Variants in STAMBP observed in about 807,000 individuals in gnomAD.
STAMBP encodes STAM binding protein.
Under a neutral mutation model 50.7 loss-of-function variants are expected in STAMBP, and 31 were observed. The observed-to-expected ratio is 0.61, with a 90% CI of 0.46 to 0.83. STAMBP has a LOEUF of 0.83. Among genes scored for constraint, STAMBP ranks in the 40% least tolerant of loss-of-function variants. The pLI is 0.00. For synonymous variants in STAMBP, 211 were observed against 192.4 expected (o/e 1.10, Z -0.80); for missense variants, 472 against 518.9 (o/e 0.91, Z 0.88).
At chr2:73,856,765 C>T (rs1677597395) in intron 7 of STAMBP, among the ~76,000 whole-genome samples, 2 of 152,314 alleles carry the variant, frequency 1.3e-5, no homozygotes, top group Admixed American at 6.5e-5. Context: ...AACAAACAAC[C>T]CCCTCTTCTG....
downstream of STAMBP, among the ~76,000 whole-genome samples, chr2:73,871,217 A>C (rs1679185287): frequency 6.6e-6 from 1 of 152,162 alleles, no homozygotes; most frequent in Non-Finnish European, 1.5e-5. Context: ...TGAGGAAACC[A>C]CATAATGAAA....
intron 2 of STAMBP, among the ~76,000 whole-genome samples, chr2:73,835,118 G>C (rs905885376): frequency 6.6e-6 from 1 of 152,086 alleles, no homozygotes; most frequent in Admixed American, 6.5e-5. Flanking sequence ...TCACGCCTGT[G>C]ATCTCAGCAC....
At chr2:73,832,084 C>CATATATATATATATATATATATATAT (rs67469518) in intron 2 of STAMBP, among the ~76,000 whole-genome samples, 17 of 118,498 alleles carry the variant, frequency 1.4e-4, no homozygotes, top group African/African-American at 4.7e-4. Flanking sequence ...GAGTAGGTAA[C>CATATATATATATATATATATATATAT]ATATATATAT....
intron 7 of STAMBP, among the ~76,000 whole-genome samples, chr2:73,853,663 G>A (rs1405351588): frequency 1.3e-5 from 2 of 152,146 alleles, no homozygotes; most frequent in African/African-American, 4.8e-5. Flanking sequence ...CGGAGGTTGT[G>A]GTGAGCCAAG....
intron 6 of STAMBP, 119 bp downstream of exon 6, chr2:73,849,606 G>A (rs571943612): frequency 1.2e-5 from 15 of 1,289,620 alleles, no homozygotes; most frequent in South Asian, 1.1e-4. Flanking sequence ...CCAAGGAACC[G>A]TGGACTGCAT....
intron 9 of STAMBP, among the ~76,000 whole-genome samples, chr2:73,860,923 T>TA (rs1678254301): frequency 6.6e-6 from 1 of 152,020 alleles, no homozygotes; most frequent in Non-Finnish European, 1.5e-5. Flanking sequence ...AGTTGAAGTA[T>TA]AAAAAAAGGG....
chr2:73,846,697 C>G (rs1573321583), intron 4 of STAMBP, among the ~76,000 whole-genome samples: 1 of 151,578 alleles, frequency 6.6e-6, no homozygotes, highest in Non-Finnish European at 1.5e-5. Flanking sequence ...TATTTTATAG[C>G]CTTACTTGAA....
chr2:73,853,873 A>G (rs1363387728), intron 7 of STAMBP, among the ~76,000 whole-genome samples: 4 of 152,226 alleles, frequency 2.6e-5, no homozygotes, highest in Non-Finnish European at 5.9e-5. Flanking sequence ...TTATAATTTC[A>G]CCACTTCAAT....
chr2:73,862,445 G>A lies in STAMBP; in HGVS notation c.*186G>A, dbSNP rs1678445918. On this transcript the variant is annotated 3_prime_UTR_variant, in exon 10 of 10. Coordinates refer to ENST00000394070, the MANE Select transcript of STAMBP (RefSeq NM_213622.4). Reference sequence around the variant, plus strand: ...ATAACTGAACATATTTTTTAGGCAAGTCAGAAAGAGAACATGGTCACCCAA... The same window carrying A: ...ATAACTGAACATATTTTTTAGGCAAATCAGAAAGAGAACATGGTCACCCAA... 1 of 428,564 alleles carries A rather than the reference G, an allele frequency of 2.3e-6. No homozygotes were observed. The highest frequency in any genetic ancestry group is 5.5e-5 in the South Asian group (1 of 18,216). The allele number at this position is 428,564 out of a possible 1,614,324, so 26.5% of individuals were successfully genotyped here.
chr2:73,850,308 C>A lies in STAMBP; in HGVS notation c.868-68C>A. The A allele has an allele frequency of 6.5e-7, 1 of 1,533,244 alleles. No individual in the cohort carries two copies. Among genetic ancestry groups the A allele is most frequent in the South Asian group, 1.3e-5 (1 of 78,110 alleles). 95.0% of individuals were successfully genotyped at this position (1,533,244 alleles called of 1,614,324 possible). A position where few individuals can be genotyped will look rare whatever the true frequency, so the allele number is the denominator to read the frequency against. On this transcript the variant is annotated intron_variant, in intron 6 of 9. Transcript: ENST00000394070. The surrounding 1 kb of genome is among the most constrained non-coding windows in gnomAD (Gnocchi z 4.3). Reference sequence around the variant, plus strand: ...GTATAGATGCTTACCTTTCCACTGTCGGGATGGAGTGGAGCAGGGTTGCAT... The same window carrying A: ...GTATAGATGCTTACCTTTCCACTGTAGGGATGGAGTGGAGCAGGGTTGCAT...
At chr2:73,858,159 A>ATTT (rs35630978) in intron 7 of STAMBP, among the ~76,000 whole-genome samples, 3 of 68,346 alleles carry the variant, frequency 4.4e-5, no homozygotes, top group African/African-American at 6.0e-5. Flanking sequence ...ATTGTTTTGT[A>ATTT]TTTTTTTTTT....
intron 5 of STAMBP, among the ~76,000 whole-genome samples, chr2:73,848,580 T>G (rs1304718234): frequency 1.3e-5 from 2 of 152,206 alleles, no homozygotes. Context: ...GAACATAAAT[T>G]TATTTGGTTC....
downstream of STAMBP, among the ~76,000 whole-genome samples, chr2:73,869,375 G>T (rs1453469866): frequency 6.6e-6 from 1 of 152,076 alleles, no homozygotes; most frequent in Non-Finnish European, 1.5e-5. Flanking sequence ...GGAACATGAA[G>T]AAAATAAATG....
At chr2:73,833,621 A>G (rs974571312) in intron 2 of STAMBP, among the ~76,000 whole-genome samples, 4 of 152,200 alleles carry the variant, frequency 2.6e-5, no homozygotes, top group African/African-American at 9.7e-5. Context: ...CAGAAAGTTC[A>G]GTAGAATCAT....
At chr2:73,860,478 G>A in intron 9 of STAMBP, 4 of 755,364 alleles carry the variant, frequency 5.3e-6, no homozygotes, top group South Asian at 6.0e-5. Flanking sequence ...AGTACGTAAT[G>A]CAGTTGCTGG....
At chr2:73,834,232 AAAAAATATATATATATATATAT>A (rs1260425438) in intron 2 of STAMBP, among the ~76,000 whole-genome samples, 10 of 15,328 alleles carry the variant, frequency 6.5e-4, no homozygotes, top group African/African-American at 3.1e-3. Context: ...AAAAAAAAAA[AAAAAATATATATATATATATAT>A]ATATATATAT....
At chr2:73,848,200 G>A (rs1676378313) in intron 5 of STAMBP, among the ~76,000 whole-genome samples, 3 of 151,890 alleles carry the variant, frequency 2.0e-5, no homozygotes, top group Admixed American at 6.6e-5. Context: ...AGCTGTGAGA[G>A]ACACTTCCTA....
chr2:73,871,584 A>G (rs939109662), downstream of STAMBP, among the ~76,000 whole-genome samples: 2 of 151,978 alleles, frequency 1.3e-5, no homozygotes, highest in African/African-American at 4.8e-5. Flanking sequence ...TTGCACTGAC[A>G]GAAAACTCAA....
intron 5 of STAMBP, among the ~76,000 whole-genome samples, chr2:73,848,604 G>A (rs1233615965): frequency 6.6e-6 from 1 of 152,198 alleles, no homozygotes; most frequent in Non-Finnish European, 1.5e-5. Flanking sequence ...GTTCTGGAGA[G>A]TGGAAAGTCC....
Sources: gnomAD v4.1 joint callset for allele counts (sites outside exome capture counted in the v4.1 genomes callset) on GRCh38, gnomAD v4.1.1 for gene constraint, Gnocchi (gnomAD v3.1) non-coding constraint, MANE v1.5 for transcripts, NCBI Gene and HGNC (gene_info 2026-07-23, HGNC 2026-07-21) for gene names.